HERC2: variants seen among roughly 807,000 people sequenced by gnomAD.
The protein encoded by HERC2 is E3 ubiquitin-protein ligase HERC2.
In HERC2, 102 loss-of-function variants were observed where a neutral mutation model predicts 537.7. The observed-to-expected ratio is 0.19, with a 90% CI of 0.16 to 0.22. The LOEUF is 0.22. Ranked by LOEUF, HERC2 falls within the 10% of genes least tolerant of loss-of-function variation. HERC2 has a pLI of 1.00. For synonymous variants in HERC2, 2,224 were observed against 2,466.2 expected, an observed-to-expected ratio of 0.90 and a Z score of 2.91; for missense variants, 4,236 against 6,198.2, an observed-to-expected ratio of 0.68 and a Z score of 10.63.
chr15:28,298,756 A>G (rs2141190416), intron 3 of HERC2: 1 of 152,292 alleles, frequency 6.6e-6, no homozygotes, highest in South Asian at 2.1e-4. Flanking sequence ...AGATCGCGCC[A>G]CTGTACTCCA....
chr15:28,285,181 CATCA>C (rs1455230475), intron 4 of HERC2, among the ~76,000 whole-genome samples: 2 of 152,066 alleles, frequency 1.3e-5, no homozygotes, highest in Non-Finnish European at 2.9e-5. Context: ...TCAACATCAC[CATCA>C]ATCAACTGGA....
rs1423402858 is a variant in HERC2 at position 28,111,625 on chromosome 15, G to A, written c.*138C>T. 1 of 855,108 alleles carries A rather than the reference G, an allele frequency of 1.2e-6. No individual in the cohort carries two copies. Among genetic ancestry groups the A allele is most frequent in the East Asian group, 2.6e-5 (1 of 38,600 alleles). The allele number at this position is 855,108 out of a possible 1,614,324, so 53.0% of individuals were successfully genotyped here. ...CTGTCATTCCCATCACGGCCAGTCA[G>A]TCTCTCCACTCCCTCCTCCCGCCTG... On this transcript the variant is annotated 3_prime_UTR_variant, in exon 93 of 93. Transcript: ENST00000261609.
rs903352612 is a variant in HERC2 at position 28,248,463 on chromosome 15, A to T, written c.3235+89T>A. On this transcript the variant is annotated intron_variant, in intron 21 of 92. Transcript: ENST00000261609. ...GCATTTAGTAGTATAACAACTACAC[A>T]TCTGGGCATATAGGATGGACACGTC... The T allele has an allele frequency of 6.4e-6, 6 of 935,796 alleles. No individual in the cohort carries two copies. In the African/African-American group the frequency reaches 8.3e-5, roughly 13 times the overall value. 58.0% of individuals were successfully genotyped at this position (935,796 alleles called of 1,614,324 possible).
intron 20 of HERC2, 115 bp downstream of exon 20, chr15:28,254,225 G>C (rs1428169621): frequency 1.5e-6 from 1 of 675,446 alleles, no homozygotes; most frequent in African/African-American, 1.9e-5. Flanking sequence ...GGAGCTTGCA[G>C]TGAGCCAAGA....
intron 2 of HERC2, among the ~76,000 whole-genome samples, chr15:28,306,275 T>C (rs944624101): frequency 3.3e-5 from 5 of 152,264 alleles, no homozygotes; most frequent in Non-Finnish European, 7.3e-5. Context: ...GTTTTTATCA[T>C]GAAAGGATGT....
chr15:28,261,344 G>A (rs913194358), intron 15 of HERC2, among the ~76,000 whole-genome samples: 1 of 151,808 alleles, frequency 6.6e-6, no homozygotes, highest in Non-Finnish European at 1.5e-5. Flanking sequence ...AGTGAGGAAG[G>A]TTTCCTAAGA....
rs777177697 is a variant in HERC2 at position 28,254,833 on chromosome 15, T to C, written c.2872-315A>G. Among the ~76,000 whole-genome samples the C allele has an allele frequency of 7.2e-5, 11 of 152,342 alleles. No individual in the cohort carries two copies. The South Asian group carries it at 1.2e-3, about 17-fold the overall frequency. Reference sequence around the variant, plus strand: ...AACCCAATGTGATGTGCCCCACACATGCAACATCCAGCTGCTTTGTAAGGA... The same window carrying C: ...AACCCAATGTGATGTGCCCCACACACGCAACATCCAGCTGCTTTGTAAGGA... On this transcript the variant is annotated intron_variant, in intron 19 of 92. Coordinates refer to ENST00000261609, the MANE Select transcript of HERC2 (RefSeq NM_004667.6).
chr15:28,284,960 A>C (rs2076118402), intron 4 of HERC2, among the ~76,000 whole-genome samples: 1 of 146,656 alleles, frequency 6.8e-6, no homozygotes, highest in Non-Finnish European at 1.5e-5. Context: ...GATAATTACC[A>C]GGAACAGATG....
rs949782975 is a variant in HERC2 at position 28,115,649 on chromosome 15, C to T, written c.13610-108G>A. The T allele has an allele frequency of 2.5e-5, 18 of 727,620 alleles. 1 individual carries two copies. In the African/African-American group the frequency reaches 3.1e-4, roughly 13 times the overall value. 45.1% of individuals were successfully genotyped at this position (727,620 alleles called of 1,614,324 possible). A position where few individuals can be genotyped will look rare whatever the true frequency, so the allele number is the denominator to read the frequency against. ...CAGCTCCACACTCAGGACTCAGAGC[C>T]TTCTGAAGCAGCAACACCCACATCA... On this transcript the variant is annotated intron_variant, in intron 88 of 92. Coordinates refer to ENST00000261609, the MANE Select transcript of HERC2 (RefSeq NM_004667.6).
chr15:28,146,292 G>C lies in HERC2; in HGVS notation c.10953C>G (p.Arg3651=). 6.2e-7 allele frequency: 1 copy of C among 1,614,036 alleles called. No individual in the cohort carries two copies. The change falls in exon 71 of 93, where the codon CGC becomes CGG. Residue 3651 remains arginine (R), a synonymous_variant. Transcript: ENST00000261609. ...EFDRQCSTER[R]HDPLTVMDGV... is the part of the protein sequence containing the mutation. ...CGTCCATGACTGTGAGAGGGTCGTG[G>C]CGCCTCTCTGTGGAGCACTGCCGGT...
intron 2 of HERC2, among the ~76,000 whole-genome samples, chr15:28,300,516 A>C (rs942753226): frequency 7.3e-5 from 11 of 151,598 alleles, no homozygotes; most frequent in Admixed American, 7.2e-4. Flanking sequence ...TAAAGTATTA[A>C]ATGTTCTTAG....
At chr15:28,313,650 CTTT>C (rs1383338558) in intron 2 of HERC2, among the ~76,000 whole-genome samples, 1 of 152,170 alleles carries the variant, frequency 6.6e-6, no homozygotes, top group Non-Finnish European at 1.5e-5. Context: ...AGGTATATGG[CTTT>C]TTTTCTTAAA....
intron 16 of HERC2, 56 bp downstream of exon 16, chr15:28,260,721 G>T: frequency 6.8e-7 from 1 of 1,471,962 alleles, no homozygotes; most frequent in South Asian, 1.2e-5. Flanking sequence ...TACTGGTAAT[G>T]AACAACTGGA....
intron 35 of HERC2, among the ~76,000 whole-genome samples, chr15:28,227,173 G>A (rs577689851): frequency 2.0e-5 from 3 of 152,276 alleles, no homozygotes; most frequent in East Asian, 3.9e-4. Context: ...TACTCGGGAG[G>A]CTGAGGCATG....
intron 16 of HERC2, among the ~76,000 whole-genome samples, chr15:28,258,618 T>A (rs1012030535): frequency 2.8e-5 from 4 of 142,998 alleles, no homozygotes; most frequent in Non-Finnish European, 4.4e-5. Context: ...TAGCATCAAA[T>A]CATTATCTAT....
At position 28,196,553 on chromosome 15, in the gene HERC2, T is replaced by G; in HGVS notation, c.8028A>C (p.Gly2676=). 1 of 1,610,896 alleles carries G rather than the reference T, an allele frequency of 6.2e-7. No homozygotes were observed. The highest frequency in any genetic ancestry group is 8.5e-7 in the Non-Finnish European group (1 of 1,177,116). Residue 2676 remains glycine, a synonymous_variant, in exon 51 of 93, where the codon GGA becomes GGC. Coordinates refer to ENST00000261609, the MANE Select transcript of HERC2 (RefSeq NM_004667.6). ...GGGGAAAGTCGACAATGATATCTTT[T>G]CCATTGGCACTGAAAGCTAGGACAG... The part of the protein sequence containing the change: ...VGVVKAFSAN[G]KDIIVDFPQQ...
At chr15:28,292,609 A>C (rs2076348220) in intron 4 of HERC2, among the ~76,000 whole-genome samples, 2 of 152,014 alleles carry the variant, frequency 1.3e-5, no homozygotes, top group African/African-American at 4.8e-5. Context: ...TGAAGCCAGG[A>C]GTATAAGACC....
chr15:28,231,325 C>T (rs1901816551), intron 30 of HERC2, among the ~76,000 whole-genome samples: 1 of 152,134 alleles, frequency 6.6e-6, no homozygotes. Context: ...GCCCTTGGAA[C>T]ATCCTGCCTG....
At position 28,177,442 on chromosome 15, in the gene HERC2, T is replaced by C; in HGVS notation, c.9231A>G (p.Gly3077=). The part of the protein sequence containing the change: ...KVFSWGEGDD[G]KLGHFSRMNC... ...ACATTCTGCTGAAGTGTCCAAGTTT[T>C]CCATCGTCACCTTCGCCCCACGAAA... The change falls in exon 60 of 93, where the codon GGA becomes GGG. Residue 3077 remains glycine, a synonymous_variant. Transcript: ENST00000261609. This position sits in a 1 kb window ranked among gnomAD's most constrained non-coding sequence, Gnocchi z 5.0. 4 of 1,614,242 alleles carry C rather than the reference T, an allele frequency of 2.5e-6. No individual in the cohort carries two copies. In the South Asian group the frequency reaches 4.4e-5, roughly 18 times the overall value.
Sources: gnomAD v4.1 joint callset for allele counts (sites outside exome capture counted in the v4.1 genomes callset) on GRCh38, gnomAD v4.1.1 for gene constraint, Gnocchi (gnomAD v3.1) non-coding constraint, MANE v1.5 for transcripts, NCBI Gene and HGNC (gene_info 2026-07-23, HGNC 2026-07-21) for gene names.